The following FAM171A1 variants were observed in gnomAD, a reference collection of about 807,000 sequenced individuals.
The protein encoded by FAM171A1 is protein FAM171A1.
FAM171A1 carries 23 observed loss-of-function variants against 74.9 expected under a neutral mutation model. That is an observed-to-expected ratio of 0.31 (90% CI 0.22 to 0.44). FAM171A1 has a LOEUF of 0.44. FAM171A1 is among the 20% of genes least tolerant of loss of function. The pLI is 1.00. For missense variants in FAM171A1, 1,162 were observed against 1,159.2 expected (o/e 1.00, Z -0.03); for synonymous variants, 527 against 505.7 (o/e 1.04, Z -0.57).
At chr10:15,250,072 A>T (rs1471109568) in intron 4 of FAM171A1, among the ~76,000 whole-genome samples, 1 of 152,214 alleles carries the variant, frequency 6.6e-6, no homozygotes, top group East Asian at 1.9e-4. Flanking sequence ...TTAAACATTT[A>T]AAGAAAACCT....
intron 1 of FAM171A1, among the ~76,000 whole-genome samples, chr10:15,364,332 C>T (rs938995398): frequency 6.6e-5 from 10 of 152,172 alleles, no homozygotes; most frequent in African/African-American, 2.4e-4. Flanking sequence ...TTTCCTTCCT[C>T]ATCTGGAAGG....
At chr10:15,263,937 A>G (rs1296986915) in intron 3 of FAM171A1, among the ~76,000 whole-genome samples, 1 of 151,582 alleles carries the variant, frequency 6.6e-6, no homozygotes. Context: ...CCGTCCGTCC[A>G]TCCATCCATC....
intron 1 of FAM171A1, among the ~76,000 whole-genome samples, chr10:15,370,546 G>GGGGAGCC (rs1836128062): frequency 6.6e-6 from 1 of 152,116 alleles, no homozygotes. Context: ...AGCCCGGCGT[G>GGGGAGCC]GGGAGCCGGG....
rs533377133 is a variant in FAM171A1 at position 15,367,379 on chromosome 10, G to A, written c.97+3577C>T. The stretch of plus-strand genomic sequence containing the variant: ...CAAATAAGATATAAAAATAATTCAT[G>A]AAGTCATTTCAAAGACTTTTCCAGA... On this transcript the variant is annotated intron_variant, in intron 1 of 7. Transcript: ENST00000378116. 5.9e-5 allele frequency among the ~76,000 whole-genome samples: 9 copies of A among 152,298 alleles called. No individual in the cohort carries two copies. The East Asian group carries it at 1.7e-3, about 29-fold the overall frequency.
At chr10:15,332,639 T>C (rs1835653830) in intron 1 of FAM171A1, among the ~76,000 whole-genome samples, 1 of 152,208 alleles carries the variant, frequency 6.6e-6, no homozygotes, top group Non-Finnish European at 1.5e-5. Context: ...TATGCATACA[T>C]GTAGCATTTC....
At chr10:15,226,070 G>C (rs543180937) in intron 5 of FAM171A1, among the ~76,000 whole-genome samples, 2 of 152,292 alleles carry the variant, frequency 1.3e-5, no homozygotes, top group African/African-American at 4.8e-5. Flanking sequence ...CAAGCAAGCA[G>C]CTGAGGTGGC....
At chr10:15,367,026 T>A (rs10159592) in intron 1 of FAM171A1, among the ~76,000 whole-genome samples, 3,811 of 152,132 alleles carry the variant, frequency 0.025, 158 homozygotes, top group African/African-American at 0.087. Flanking sequence ...ATGAAACCCC[T>A]TATCTACTAA....
intron 3 of FAM171A1, 42 bp downstream of exon 3, chr10:15,275,813 A>G (rs746304582): frequency 3.2e-5 from 42 of 1,331,388 alleles, no homozygotes; most frequent in Non-Finnish European, 4.3e-5. Flanking sequence ...TAATGTATCC[A>G]TCAAAAATAA....
chr10:15,265,707 G>T (rs1301359679), intron 3 of FAM171A1, among the ~76,000 whole-genome samples: 1 of 150,090 alleles, frequency 6.7e-6, no homozygotes, highest in Non-Finnish European at 1.5e-5. Context: ...ATTACTCATT[G>T]GGTGTCTACC....
intron 1 of FAM171A1, among the ~76,000 whole-genome samples, chr10:15,305,825 TG>T (rs1361843485): frequency 6.6e-6 from 1 of 152,092 alleles, no homozygotes; most frequent in Non-Finnish European, 1.5e-5. Context: ...GGTGAACCCA[TG>T]GTGAAAGTCC....
intron 1 of FAM171A1, among the ~76,000 whole-genome samples, chr10:15,286,992 A>G (rs1835043229): frequency 6.6e-6 from 1 of 152,210 alleles, no homozygotes; most frequent in Admixed American, 6.5e-5. Flanking sequence ...ACAAATCAGC[A>G]TCATGAAAAT....
intron 3 of FAM171A1, among the ~76,000 whole-genome samples, chr10:15,263,076 T>C (rs913266008): frequency 3.4e-4 from 51 of 152,140 alleles, no homozygotes; most frequent in African/African-American, 1.2e-3. Flanking sequence ...CTGGGAAACA[T>C]GAGGAGCCAA....
chr10:15,275,290 T>C lies in FAM171A1; in HGVS notation c.418+565A>G, dbSNP rs1588527517. Among the ~76,000 whole-genome samples, 3 of 148,106 alleles carry C rather than the reference T, an allele frequency of 2.0e-5. No homozygotes were observed. In the South Asian group the frequency reaches 6.4e-4, roughly 31 times the overall value. The stretch of plus-strand genomic sequence containing the variant: ...AATAATAAGTGGATTCCATTTAAGT[T>C]TTTTTTTTTTTTTTGAGATGAAGTC... On this transcript the variant is annotated intron_variant, in intron 3 of 7. Transcript: ENST00000378116.
intron 1 of FAM171A1, among the ~76,000 whole-genome samples, chr10:15,306,085 A>G (rs746814632): frequency 2.0e-5 from 3 of 152,258 alleles, no homozygotes; most frequent in Non-Finnish European, 4.4e-5. Flanking sequence ...TGATAAATGT[A>G]TCACGGGCAT....
intron 5 of FAM171A1, among the ~76,000 whole-genome samples, chr10:15,230,586 A>T (rs1028628131): frequency 1.3e-5 from 2 of 152,230 alleles, no homozygotes; most frequent in African/African-American, 4.8e-5. Context: ...GCTGCAACAC[A>T]TTCCCTGGGT....
chr10:15,311,353 A>G (rs1299774527), intron 1 of FAM171A1, among the ~76,000 whole-genome samples: 3 of 152,188 alleles, frequency 2.0e-5, no homozygotes, highest in Non-Finnish European at 4.4e-5. Context: ...GGGAGGAAGA[A>G]GATTGGAGAA....
rs1484286634 is a variant in FAM171A1, at chr10:15,220,933, C to G, written c.871+11G>C. ...TGATCCGCATCATCGCAAGTGTTGG[C>G]TCCGTGTTACCTGGGATGGGAGGGG... On this transcript the variant is annotated intron_variant, in intron 6 of 7. Transcript: ENST00000378116. 1 of 1,603,732 alleles carries G rather than the reference C, an allele frequency of 6.2e-7. No homozygotes were observed. Among genetic ancestry groups the G allele is most frequent in the Non-Finnish European group, 8.5e-7 (1 of 1,171,546 alleles).
At chr10:15,219,513 G>A (rs545342539) in intron 6 of FAM171A1, among the ~76,000 whole-genome samples, 2 of 152,274 alleles carry the variant, frequency 1.3e-5, no homozygotes, top group African/African-American at 4.8e-5. Flanking sequence ...TTCAGAGAAT[G>A]GGGCATTTCT....
chr10:15,288,677 T>C (rs948836048), intron 1 of FAM171A1, among the ~76,000 whole-genome samples: 5 of 152,180 alleles, frequency 3.3e-5, no homozygotes, highest in Non-Finnish European at 5.9e-5. Flanking sequence ...ATCAACACCC[T>C]AGATTCTACC....
Sources: gnomAD v4.1 joint callset for allele counts (sites outside exome capture counted in the v4.1 genomes callset) on GRCh38, gnomAD v4.1.1 for gene constraint, MANE v1.5 for transcripts, NCBI Gene and HGNC (gene_info 2026-07-23, HGNC 2026-07-21) for gene names.